TOPAZ1: variants seen among roughly 807,000 people sequenced by gnomAD.
The protein encoded by TOPAZ1 is protein TOPAZ1.
Under a neutral mutation model 172.2 loss-of-function variants are expected in TOPAZ1, and 66 were observed. That is an observed-to-expected ratio of 0.38 (90% CI 0.31 to 0.47). The LOEUF (loss-of-function observed/expected upper bound fraction) is 0.47, where lower values mean the gene tolerates loss of function less well. TOPAZ1 is among the 20% of genes least tolerant of loss of function. The pLI, the probability that TOPAZ1 is intolerant of heterozygous loss-of-function variation, is 0.99. For missense variants in TOPAZ1, 1,822 were observed against 1,972.4 expected, an observed-to-expected ratio of 0.92 and a Z score of 1.44; for synonymous variants, 681 against 683.9, an observed-to-expected ratio of 1.00 and a Z score of 0.07.
chr3:44,329,461 A>G (rs1262761772), intron 19 of TOPAZ1, among the ~76,000 whole-genome samples: 1 of 152,198 alleles, frequency 6.6e-6, no homozygotes, highest in Non-Finnish European at 1.5e-5. Context: ...CTGACAGCTA[A>G]TTTCTCCCAG....
chr3:44,298,191 C>A (rs1238966817), intron 12 of TOPAZ1, among the ~76,000 whole-genome samples: 1 of 152,126 alleles, frequency 6.6e-6, no homozygotes. Context: ...AGGCTGGGTG[C>A]AGTGGCTCAC....
At chr3:44,260,693 T>G (rs1299986819) in intron 4 of TOPAZ1, among the ~76,000 whole-genome samples, 1 of 152,158 alleles carries the variant, frequency 6.6e-6, no homozygotes, top group Non-Finnish European at 1.5e-5. Flanking sequence ...GTTTCTGCCT[T>G]TGGTGTCACG....
At chr3:44,272,341 A>T (rs1159360146) in intron 8 of TOPAZ1, among the ~76,000 whole-genome samples, 5 of 152,192 alleles carry the variant, frequency 3.3e-5, no homozygotes, top group African/African-American at 1.2e-4. Flanking sequence ...TATAATGGCT[A>T]TACTAATTTA....
At chr3:44,307,109 GC>G (rs1311608887) in intron 15 of TOPAZ1, among the ~76,000 whole-genome samples, 1 of 152,014 alleles carries the variant, frequency 6.6e-6, no homozygotes, top group Non-Finnish European at 1.5e-5. Flanking sequence ...CACAGCCTCC[GC>G]CTCCCAGGTT....
intron 4 of TOPAZ1, among the ~76,000 whole-genome samples, chr3:44,260,817 A>C (rs1699766941): frequency 6.6e-6 from 1 of 152,134 alleles, no homozygotes. Flanking sequence ...TGAAATATTT[A>C]ATAAACCTAA....
chr3:44,258,105 T>C (rs2125681515), intron 4 of TOPAZ1, among the ~76,000 whole-genome samples: 1 of 152,342 alleles, frequency 6.6e-6, no homozygotes, highest in Middle Eastern at 3.4e-3. Flanking sequence ...TAATTTGTTG[T>C]TCTTTTTGTA....
chr3:44,284,301 C>T (rs1269593197), intron 9 of TOPAZ1, among the ~76,000 whole-genome samples: 2 of 152,154 alleles, frequency 1.3e-5, no homozygotes, highest in Admixed American at 1.3e-4. Context: ...CCTTGATAAC[C>T]TCTAATCTAC....
chr3:44,276,624 C>CTTTT lies in TOPAZ1; in HGVS notation c.3373-5318_3373-5315dup, dbSNP rs762865769. 7.6e-3 allele frequency among the ~76,000 whole-genome samples: 183 copies of CTTTT among 24,106 alleles called. 46 individuals are homozygous for CTTTT. Among genetic ancestry groups the CTTTT allele is most frequent in the African/African-American group, 0.031 (163 of 5,320 alleles). The allele number at this position is 24,106 out of a possible 152,430, so 15.8% of individuals were successfully genotyped here. A position where few individuals can be genotyped will look rare whatever the true frequency, so the allele number is the denominator to read the frequency against. ...GTAGTTTAATGCCTCCAGCTTTGTTCTTTTTTTTTTTTTTTTTTTTTTTTT... is the reference window on the plus strand; with the variant it reads ...GTAGTTTAATGCCTCCAGCTTTGTTCTTTTTTTTTTTTTTTTTTTTTTTTTTTTT... On this transcript the variant is annotated intron_variant, in intron 8 of 19. Coordinates refer to ENST00000309765, the MANE Select transcript of TOPAZ1 (RefSeq NM_001145030.2).
rs532158367 is a variant in TOPAZ1, at chr3:44,302,535, G to T, written c.3798-1480G>T. On this transcript the variant is annotated intron_variant, in intron 12 of 19. Coordinates refer to ENST00000309765, the MANE Select transcript of TOPAZ1 (RefSeq NM_001145030.2). ...TCTTGACTTTGTATTTTATTCCACT[G>T]GACTGTTTGCCTATTCCTGCACTGG... Among the ~76,000 whole-genome samples, 3 of 152,192 alleles carry T rather than the reference G, an allele frequency of 2.0e-5. No individual in the cohort carries two copies. In the South Asian group the frequency reaches 6.2e-4, roughly 32 times the overall value.
intron 16 of TOPAZ1, among the ~76,000 whole-genome samples, chr3:44,318,313 G>A (rs1575734341): frequency 1.3e-5 from 2 of 152,208 alleles, no homozygotes; most frequent in South Asian, 2.1e-4. Flanking sequence ...TTAGCTGGGC[G>A]TGGTGGCAGG....
intron 15 of TOPAZ1, among the ~76,000 whole-genome samples, chr3:44,309,191 G>A (rs1229090702): frequency 1.3e-5 from 2 of 152,052 alleles, no homozygotes; most frequent in Non-Finnish European, 2.9e-5. Flanking sequence ...CCAAACCAAA[G>A]GTAATTTTCA....
At chr3:44,336,637 G>A (rs185388417), downstream of TOPAZ1, among the ~76,000 whole-genome samples, 79 of 152,302 alleles carry the variant, frequency 5.2e-4, no homozygotes, top group African/African-American at 1.8e-3. Context: ...CCCTCGTTCT[G>A]CAGGATCCCC....
intron 16 of TOPAZ1, among the ~76,000 whole-genome samples, chr3:44,315,535 T>TTTG (rs1700442452): frequency 6.8e-6 from 1 of 146,342 alleles, no homozygotes; most frequent in Non-Finnish European, 1.5e-5. Context: ...GTCTGGCTAT[T>TTTG]TTTTTTTTTT....
chr3:44,297,764 T>A (rs1700216219), intron 12 of TOPAZ1, among the ~76,000 whole-genome samples: 1 of 150,798 alleles, frequency 6.6e-6, no homozygotes, highest in Non-Finnish European at 1.5e-5. Context: ...AAAAAAACAC[T>A]CTCCTAGAAC....
intron 12 of TOPAZ1, among the ~76,000 whole-genome samples, chr3:44,301,543 A>T (rs2125698414): frequency 6.6e-6 from 1 of 152,308 alleles, no homozygotes; most frequent in East Asian, 1.9e-4. Context: ...AATGTGTTAG[A>T]ATGTTTTTCA....
intron 16 of TOPAZ1, among the ~76,000 whole-genome samples, chr3:44,317,187 G>A (rs371847655): frequency 6.6e-5 from 10 of 152,186 alleles, no homozygotes; most frequent in African/African-American, 2.2e-4. Context: ...TTGGGAGGCC[G>A]AGGCCGGTGG....
At chr3:44,298,909 A>ATATATTTTTT (rs1287571186) in intron 12 of TOPAZ1, among the ~76,000 whole-genome samples, 3 of 41,312 alleles carry the variant, frequency 7.3e-5, no homozygotes, top group Non-Finnish European at 1.3e-4. Flanking sequence ...ATATATATAT[A>ATATATTTTTT]TTTTTTTTTT....
intron 15 of TOPAZ1, among the ~76,000 whole-genome samples, chr3:44,308,565 G>C (rs1036152946): frequency 6.6e-6 from 1 of 151,940 alleles, no homozygotes; most frequent in Non-Finnish European, 1.5e-5. Flanking sequence ...CTTTGCTATT[G>C]TGAATAGTGC....
chr3:44,332,563 G>C (rs1183281668), downstream of TOPAZ1, among the ~76,000 whole-genome samples: 1 of 151,554 alleles, frequency 6.6e-6, no homozygotes, highest in Non-Finnish European at 1.5e-5. Flanking sequence ...AAATCTATGT[G>C]CATTACACTA....
Sources: gnomAD v4.1 joint callset for allele counts (sites outside exome capture counted in the v4.1 genomes callset) on GRCh38, gnomAD v4.1.1 for gene constraint, MANE v1.5 for transcripts, NCBI Gene and HGNC (gene_info 2026-07-23, HGNC 2026-07-21) for gene names.